The following ACTR8 variants were observed in gnomAD, a reference collection of about 807,000 sequenced individuals.
The protein encoded by ACTR8 is actin-related protein 8.
Under a neutral mutation model 84.3 loss-of-function variants are expected in ACTR8, and 70 were observed. That is an observed-to-expected ratio of 0.83 (90% CI 0.68 to 1.01). ACTR8 has a LOEUF of 1.01. ACTR8 is among the 50% of genes least tolerant of loss of function. The pLI is 0.00. For missense variants in ACTR8, 672 were observed against 775.4 expected (o/e 0.87, Z 1.58); for synonymous variants, 268 against 275.2 (o/e 0.97, Z 0.26).
intron 12 of ACTR8, among the ~76,000 whole-genome samples, chr3:53,869,663 GA>G (rs1282821359): frequency 6.6e-6 from 1 of 152,202 alleles, no homozygotes; most frequent in Non-Finnish European, 1.5e-5. Context: ...ATATAAAAAA[GA>G]GATTAAAATG....
At chr3:53,865,172 A>G (rs2232351), downstream of ACTR8, 3,791 of 1,614,086 alleles carry the variant, frequency 2.3e-3, 75 homozygotes, top group African/African-American at 0.043. Flanking sequence ...GACGATTACA[A>G]TGCTCTCAGT....
chr3:53,875,934 T>A lies in ACTR8; in HGVS notation c.911+14A>T. The A allele has an allele frequency of 6.2e-7, 1 of 1,614,112 alleles. No homozygotes were observed. Among genetic ancestry groups the A allele is most frequent in the Non-Finnish European group, 8.5e-7 (1 of 1,179,980 alleles). On this transcript the variant is annotated intron_variant, in intron 7 of 12. Coordinates refer to ENST00000335754, the MANE Select transcript of ACTR8 (RefSeq NM_022899.5). Reference sequence around the variant, plus strand: ...GAAGAGGAAACAGGGAATGCCACCTTCCAAGTTCCTTACCGAGTATTCCGA... The same window carrying A: ...GAAGAGGAAACAGGGAATGCCACCTACCAAGTTCCTTACCGAGTATTCCGA...
In ACTR8 at chr3:53,882,071, T is replaced by C; in HGVS notation, c.31A>G (p.Asn11Asp). Reference sequence around the variant, plus strand: ...TTCTCGCCGCCCTTCTCCTTTCCGTTCTCCGTATCACCCTTCTCAGCCTGG... The same window carrying C: ...TTCTCGCCGCCCTTCTCCTTTCCGTCCTCCGTATCACCCTTCTCAGCCTGG... The part of the protein sequence containing the change: MTQAEKGDTE[N>D]GKEKGGEKEK... Residue 11 changes from asparagine (N) to aspartate (D), a missense_variant, in exon 1 of 13, where the codon AAC (asparagine) becomes GAC (aspartate). Asn to Asp is a conservative substitution (Grantham distance 23). Transcript: ENST00000335754. 1.3e-6 allele frequency: 2 copies of C among 1,551,598 alleles called. No homozygotes were observed. The highest frequency in any genetic ancestry group is 1.2e-5 in the South Asian group (1 of 84,060).
the ACTR8 span, chr3:53,860,217 T>G: frequency 6.2e-7 from 1 of 1,612,796 alleles, no homozygotes; most frequent in Non-Finnish European, 8.5e-7. Flanking sequence ...ATCTATCTAA[T>G]GTGGAGGCAC....
downstream of ACTR8, among the ~76,000 whole-genome samples, chr3:53,863,156 T>C (rs1279544047): frequency 7.2e-5 from 11 of 152,208 alleles, no homozygotes; most frequent in Non-Finnish European, 1.5e-4. Context: ...ATGCAAAATA[T>C]GTGTTAATTG....
chr3:53,871,136 T>C, intron 11 of ACTR8, 96 bp downstream of exon 11: 1 of 1,472,108 alleles, frequency 6.8e-7, no homozygotes. Flanking sequence ...TTTCAATGAA[T>C]ATGTTATACT....
At chr3:53,866,802 T>C (rs17053568), downstream of ACTR8, among the ~76,000 whole-genome samples, 49,587 of 152,090 alleles carry the variant, frequency 0.33, 8,293 homozygotes, top group East Asian at 0.48. Flanking sequence ...TTTTCTTTAA[T>C]GCAGAGGTTA....
At chr3:53,879,838 C>G in intron 2 of ACTR8, 101 bp downstream of exon 2, 2 of 1,198,304 alleles carry the variant, frequency 1.7e-6, no homozygotes, top group South Asian at 3.8e-5. Context: ...TAAAACACAG[C>G]AAAGCTATGA....
At position 53,870,017 on chromosome 3, in the gene ACTR8, T is replaced by C; in HGVS notation, c.1696A>G (p.Ile566Val). The C allele has an allele frequency of 6.2e-7, 1 of 1,614,198 alleles. No homozygotes were observed. Among genetic ancestry groups the C allele is most frequent in the Non-Finnish European group, 8.5e-7 (1 of 1,180,014 alleles). ...GTGATCACATCCACATTTTCAATAATTCGCCTGAAGGATGGTGGCATTTTG... is the reference window on the plus strand; with the variant it reads ...GTGATCACATCCACATTTTCAATAACTCGCCTGAAGGATGGTGGCATTTTG... Reference protein sequence around the residue: ...LNKMPPSFRRIIENVDVITRP... With the variant: ...LNKMPPSFRRVIENVDVITRP... The change falls in exon 12 of 13, where the codon ATT (isoleucine) becomes GTT (valine). Residue 566 changes from isoleucine (I) to valine (V), a missense_variant. Physicochemically the swap from Ile to Val is conservative, Grantham distance 29. Coordinates refer to ENST00000335754, the MANE Select transcript of ACTR8 (RefSeq NM_022899.5). The surrounding 1 kb of genome is among the most constrained non-coding windows in gnomAD (Gnocchi z 4.1).
intron 1 of ACTR8, among the ~76,000 whole-genome samples, 158 bp from the exon 2 acceptor site, chr3:53,880,267 C>G (rs1378232757): frequency 6.6e-6 from 1 of 152,228 alleles, no homozygotes; most frequent in Non-Finnish European, 1.5e-5. Context: ...CGCTCTCTAC[C>G]TAAACACAAA....
Position 53,871,552 on chromosome 3 carries a change from A to C in ACTR8, c.1303-56T>G. On this transcript the variant is annotated intron_variant, in intron 10 of 12. Coordinates refer to ENST00000335754, the MANE Select transcript of ACTR8 (RefSeq NM_022899.5). ...GTATTACAACAACAGAACACTATTG[A>C]TGTTGTCTAGCTAGATCCCTCCCTA... The C allele has an allele frequency of 1.5e-5, 24 of 1,581,554 alleles. 1 individual carries two copies. The South Asian group carries it at 2.7e-4, about 18-fold the overall frequency.
At chr3:53,873,239 A>G in intron 8 of ACTR8, 112 bp from the exon 9 acceptor site, 2 of 659,312 alleles carry the variant, frequency 3.0e-6, no homozygotes, top group Non-Finnish European at 5.2e-6. Context: ...AGGCCAACCT[A>G]CAGCTTTGTA....
the ACTR8 span, chr3:53,860,468 A>G: frequency 2.8e-6 from 1 of 361,232 alleles, no homozygotes; most frequent in Admixed American, 4.2e-5. Flanking sequence ...TATTTTTACC[A>G]TTGAGCCTTC....
At chr3:53,879,857 C>T (rs1700031715) in intron 2 of ACTR8, 82 bp downstream of exon 2, 11 of 1,332,974 alleles carry the variant, frequency 8.3e-6, no homozygotes, top group African/African-American at 1.5e-5. Context: ...GAAGATGTTT[C>T]TTTAAGATTC....
chr3:53,863,920 T>G (rs957334451), downstream of ACTR8, among the ~76,000 whole-genome samples: 1 of 151,086 alleles, frequency 6.6e-6, no homozygotes, highest in Non-Finnish European at 1.5e-5. Flanking sequence ...CCTCCTGAGC[T>G]CAAGTGAACC....
At chr3:53,873,284 A>C (rs1699916081) in intron 8 of ACTR8, 157 bp from the exon 9 acceptor site, 1 of 465,648 alleles carries the variant, frequency 2.1e-6, no homozygotes, top group South Asian at 4.1e-5. Context: ...ATAGGAATTA[A>C]GTTGTACTTT....
chr3:53,872,274 C>T, intron 10 of ACTR8, 110 bp downstream of exon 10: 1 of 1,187,536 alleles, frequency 8.4e-7, no homozygotes, highest in Non-Finnish European at 1.1e-6. Flanking sequence ...AAAGCTATAT[C>T]AGTGTTATTA....
chr3:53,871,307 T>TC lies in ACTR8; in HGVS notation c.1491dup (p.Lys498GlufsTer8). On this transcript the variant is annotated frameshift_variant, in exon 11 of 13. Transcript: ENST00000335754. LOFTEE classifies it high-confidence loss of function. ...CCTTCAAACAGCGAGATGGCAGTCT[T>TC]CCTGGACATCAGTGCAGTGAGGGCC... The TC allele has an allele frequency of 1.1e-5, 17 of 1,614,268 alleles. No homozygotes were observed. The highest frequency in any genetic ancestry group is 1.4e-5 in the Non-Finnish European group (17 of 1,180,048).
Position 53,872,926 on chromosome 3 carries a change from T to G in ACTR8, c.1161+106A>C, listed in dbSNP as rs1699909341. On this transcript the variant is annotated intron_variant, in intron 9 of 12. Transcript: ENST00000335754. ...GGTTTAGTGGATAATCTACAATCAG[T>G]TGACATTCTGATCTCACAATGTTTC... 5 of 905,362 alleles carry G rather than the reference T, an allele frequency of 5.5e-6. No homozygotes were observed. The East Asian group carries it at 1.3e-4, about 24-fold the overall frequency. 56.1% of individuals were successfully genotyped at this position (905,362 alleles called of 1,614,324 possible). A position where few individuals can be genotyped will look rare whatever the true frequency, so the allele number is the denominator to read the frequency against.
Sources: allele counts gnomAD v4.1 joint callset (sites outside exome capture counted in the v4.1 genomes callset), GRCh38; gene constraint gnomAD v4.1.1; non-coding constraint Gnocchi (gnomAD v3.1); transcripts MANE v1.5; gene names NCBI Gene and HGNC (gene_info 2026-07-23, HGNC 2026-07-21).